The following KCNQ3 variants were observed in gnomAD, a reference collection of about 807,000 sequenced individuals.
KCNQ3 encodes the protein potassium voltage-gated channel subfamily KQT member 3.
Under a neutral mutation model 92.5 loss-of-function variants are expected in KCNQ3, and 30 were observed. That is an observed-to-expected ratio of 0.32 (90% CI 0.24 to 0.44). The LOEUF (loss-of-function observed/expected upper bound fraction) is 0.44, where lower values mean the gene tolerates loss of function less well. KCNQ3 is among the 20% of genes least tolerant of loss of function. The pLI is 1.00. For synonymous variants in KCNQ3, 450 were observed against 468.8 expected (o/e 0.96, Z 0.52); for missense variants, 913 against 1,140.3 (o/e 0.80, Z 2.87).
At chr8:132,198,371 T>A (rs74823893) in intron 1 of KCNQ3, among the ~76,000 whole-genome samples, 6,161 of 152,340 alleles carry the variant, frequency 0.04, 187 homozygotes, top group South Asian at 0.062. Context: ...ATGTGTGTTG[T>A]GTTTAGCTAA....
At chr8:132,255,977 T>TAAAC (rs3049369) in intron 1 of KCNQ3, among the ~76,000 whole-genome samples, 103,405 of 151,128 alleles carry the variant, frequency 0.68, 36,161 homozygotes, top group East Asian at 0.9. Context: ...AAAAAGAAAA[T>TAAAC]AAACAAACCA....
intron 1 of KCNQ3, among the ~76,000 whole-genome samples, chr8:132,383,948 T>C (rs961401730): frequency 1.3e-5 from 2 of 152,170 alleles, no homozygotes; most frequent in African/African-American, 4.8e-5. Flanking sequence ...AGGAAAAGCA[T>C]CCAGAGTTTC....
At chr8:132,213,597 C>A (rs1813933803) in intron 1 of KCNQ3, among the ~76,000 whole-genome samples, 1 of 152,222 alleles carries the variant, frequency 6.6e-6, no homozygotes, top group African/African-American at 2.4e-5. Context: ...TCATGCTGAG[C>A]TGATGGCAGA....
At chr8:132,378,874 T>C (rs1819674810) in intron 1 of KCNQ3, among the ~76,000 whole-genome samples, 1 of 152,264 alleles carries the variant, frequency 6.6e-6, no homozygotes, top group Non-Finnish European at 1.5e-5. Context: ...TACTTTTTCC[T>C]GTTTCCAAAC....
intron 1 of KCNQ3, among the ~76,000 whole-genome samples, chr8:132,299,188 C>T (rs1344853515): frequency 6.9e-6 from 1 of 144,404 alleles, no homozygotes; most frequent in Non-Finnish European, 1.5e-5. Flanking sequence ...ATATATGGTA[C>T]ATGAGAAGAT....
intron 1 of KCNQ3, among the ~76,000 whole-genome samples, chr8:132,334,852 C>T (rs1043585196): frequency 6.6e-6 from 1 of 152,174 alleles, no homozygotes; most frequent in Admixed American, 6.5e-5. Context: ...TGACTTCAGA[C>T]CCCATCCTTT....
chr8:132,146,696 G>A (rs112977672), intron 9 of KCNQ3, among the ~76,000 whole-genome samples: 2 of 151,938 alleles, frequency 1.3e-5, no homozygotes, highest in African/African-American at 4.8e-5. Flanking sequence ...GGGTTCAAGC[G>A]ATTCTCCTCA....
intron 6 of KCNQ3, among the ~76,000 whole-genome samples, 198 bp from the exon 7 acceptor site, chr8:132,172,891 G>A (rs1013992593): frequency 6.6e-6 from 1 of 152,352 alleles, no homozygotes. Context: ...AGTGAAATGA[G>A]CCTTGAAGTC....
rs1417147460 is a variant in KCNQ3, at chr8:132,127,095, A to T, written c.*2167T>A. On this transcript the variant is annotated 3_prime_UTR_variant, in exon 15 of 15. Transcript: ENST00000388996. ...AATAATCAAGCCCTCAGGAAGGGGC[A>T]TAGGGTTTCTTAGGTTGTAATCCCC... 1 of 152,194 alleles carries T rather than the reference A, an allele frequency of 6.6e-6. No homozygotes were observed. Among genetic ancestry groups the T allele is most frequent in the Non-Finnish European group, 1.5e-5 (1 of 68,036 alleles). 9.4% of individuals were successfully genotyped at this position (152,194 alleles called of 1,614,324 possible).
chr8:132,129,001 T>G lies in KCNQ3; in HGVS notation c.*261A>C, dbSNP rs1256165934. 3.7e-6 allele frequency: 2 copies of G among 534,706 alleles called. No homozygotes were observed. The highest frequency in any genetic ancestry group is 3.8e-5 in the African/African-American group (2 of 52,856). 33.1% of individuals were successfully genotyped at this position (534,706 alleles called of 1,614,324 possible). A position where few individuals can be genotyped will look rare whatever the true frequency, so the allele number is the denominator to read the frequency against. On this transcript the variant is annotated 3_prime_UTR_variant, in exon 15 of 15. Transcript: ENST00000388996. The surrounding 1 kb of genome is among the most constrained non-coding windows in gnomAD (Gnocchi z 5.9). Reference sequence around the variant, plus strand: ...CGTGATTAAAAGTAAGAACAGCAGATAAATGTGTATCCTAGAAGAGATTAG... The same window carrying G: ...CGTGATTAAAAGTAAGAACAGCAGAGAAATGTGTATCCTAGAAGAGATTAG...
At chr8:132,166,952 A>G (rs998758492) in intron 8 of KCNQ3, among the ~76,000 whole-genome samples, 7 of 152,228 alleles carry the variant, frequency 4.6e-5, no homozygotes, top group Non-Finnish European at 1.0e-4. Context: ...AGTTGAAAAC[A>G]TATGTCCATA....
chr8:132,378,322 G>A (rs546614819), intron 1 of KCNQ3, among the ~76,000 whole-genome samples: 31 of 152,160 alleles, frequency 2.0e-4, no homozygotes, highest in Admixed American at 5.9e-4. Flanking sequence ...AACTTGGGAG[G>A]CAGAGGTTGC....
At chr8:132,227,094 C>T (rs1814452969) in intron 1 of KCNQ3, among the ~76,000 whole-genome samples, 1 of 142,384 alleles carries the variant, frequency 7.0e-6, no homozygotes, top group Non-Finnish European at 1.5e-5. Flanking sequence ...TGGAGTCTCG[C>T]TGTGTTGCCA....
intron 9 of KCNQ3, among the ~76,000 whole-genome samples, chr8:132,158,445 C>T (rs1825875688): frequency 6.7e-6 from 1 of 149,878 alleles, no homozygotes; most frequent in Non-Finnish European, 1.5e-5. Flanking sequence ...TGGCTCTGTG[C>T]CTTTTCTTGC....
chr8:132,140,838 A>G, intron 10 of KCNQ3: 1 of 458,010 alleles, frequency 2.2e-6, no homozygotes, highest in Non-Finnish European at 4.0e-6. Context: ...CTCCATAACA[A>G]TCCAATCATG....
chr8:132,291,188 A>T (rs946160265), intron 1 of KCNQ3, among the ~76,000 whole-genome samples: 1 of 152,248 alleles, frequency 6.6e-6, no homozygotes, highest in Non-Finnish European at 1.5e-5. Context: ...CCAGTAATGC[A>T]TATAAAGCAC....
chr8:132,266,350 C>T (rs989176169), intron 1 of KCNQ3, among the ~76,000 whole-genome samples: 6 of 152,174 alleles, frequency 3.9e-5, no homozygotes, highest in African/African-American at 1.4e-4. Flanking sequence ...CCCAGCATCT[C>T]TTCTAAGCTA....
chr8:132,439,567 A>G (rs537394686), intron 1 of KCNQ3, among the ~76,000 whole-genome samples: 1 of 152,242 alleles, frequency 6.6e-6, no homozygotes, highest in Non-Finnish European at 1.5e-5. Context: ...GACCCTAAAG[A>G]GATGATTCCA....
intron 1 of KCNQ3, among the ~76,000 whole-genome samples, chr8:132,414,415 G>A (rs1820738236): frequency 6.6e-6 from 1 of 152,196 alleles, no homozygotes. Flanking sequence ...GATCAGGCAG[G>A]ATGACTTGCT....
Sources: gnomAD v4.1 joint callset for allele counts (sites outside exome capture counted in the v4.1 genomes callset) on GRCh38, gnomAD v4.1.1 for gene constraint, Gnocchi (gnomAD v3.1) non-coding constraint, MANE v1.5 for transcripts, NCBI Gene and HGNC (gene_info 2026-07-23, HGNC 2026-07-21) for gene names.